GBP7: variants seen among roughly 807,000 people sequenced by gnomAD.
The protein encoded by GBP7 is guanylate-binding protein 7.
A neutral mutation model predicts 61.3 loss-of-function variants in GBP7; 43 were observed. The observed-to-expected ratio is 0.70, with a 90% CI of 0.55 to 0.91. The LOEUF is 0.91. GBP7 is among the 40% of genes least tolerant of loss of function. The pLI, the probability that GBP7 is intolerant of heterozygous loss-of-function variation, is 0.00. For missense variants in GBP7, 717 were observed against 740.5 expected, an observed-to-expected ratio of 0.97 and a Z score of 0.37; for synonymous variants, 267 against 271.0, an observed-to-expected ratio of 0.99 and a Z score of 0.14.
chr1:89,135,563 G>T (rs892847343), intron 9 of GBP7, among the ~76,000 whole-genome samples: 2 of 151,744 alleles, frequency 1.3e-5, no homozygotes, highest in Non-Finnish European at 2.9e-5. Context: ...GTAAAGAAAA[G>T]AAATTCCAAG....
chr1:89,148,998 A>T (rs1045243848), intron 7 of GBP7, among the ~76,000 whole-genome samples: 1 of 152,078 alleles, frequency 6.6e-6, no homozygotes, highest in African/African-American at 2.4e-5. Flanking sequence ...TCTAAATACT[A>T]TTCTCTAAGT....
intron 8 of GBP7, 121 bp from the exon 9 acceptor site, chr1:89,141,769 T>C (rs1681957663): frequency 1.4e-6 from 1 of 704,926 alleles, no homozygotes; most frequent in East Asian, 2.8e-5. Context: ...ATTCTTAAGA[T>C]TCCACAGTGG....
At chr1:89,171,590 C>G (rs1051164927) in intron 2 of GBP7, among the ~76,000 whole-genome samples, 156 bp downstream of exon 2, 2 of 150,954 alleles carry the variant, frequency 1.3e-5, no homozygotes, top group Non-Finnish European at 2.9e-5. Context: ...TGACTCCAAT[C>G]CTCCAGAGTG....
intron 8 of GBP7, among the ~76,000 whole-genome samples, chr1:89,145,867 A>G (rs1682050169): frequency 6.7e-6 from 1 of 150,096 alleles, no homozygotes; most frequent in East Asian, 2.0e-4. Flanking sequence ...GACTGGAAAA[A>G]TTAATATTGT....
At position 89,133,340 on chromosome 1, in the gene GBP7, A is replaced by G. The variant is rs200953813; in HGVS notation, c.1580T>C (p.Ile527Thr). Residue 527 changes from isoleucine (I) to threonine (T), a missense_variant, in exon 10 of 11, where the codon ATA becomes ACA. This residue lies in a region of GBP7 where 312 missense variants were observed against 310.1 expected (regional missense o/e 1.01). Transcript: ENST00000294671. ...CTCCATCTTCTTCTTGAGTTGAGCT[A>G]TGTTTTCCTGGAAACTTCTCTCTTG... is the stretch of plus-strand genomic sequence containing the variant. ...EAQERSFQEN[I>T]AQLKKKMERE... 2.5e-6 allele frequency: 4 copies of G among 1,613,862 alleles called. No individual in the cohort carries two copies. Among genetic ancestry groups the G allele is most frequent in the South Asian group, 2.2e-5 (2 of 91,066 alleles).
At chr1:89,156,862 A>G (rs1032103347) in intron 3 of GBP7, among the ~76,000 whole-genome samples, 1 of 152,170 alleles carries the variant, frequency 6.6e-6, no homozygotes, top group Non-Finnish European at 1.5e-5. Context: ...AGGACCTAAT[A>G]GACATCAGAG....
Position 89,149,488 on chromosome 1 carries a change from G to A in GBP7, c.956C>T (p.Ala319Val). 4 of 1,614,098 alleles carry A rather than the reference G, an allele frequency of 2.5e-6. No homozygotes were observed. The highest frequency in any genetic ancestry group is 3.4e-6 in the Non-Finnish European group (4 of 1,180,010). ...CACGGCTGCTGAGTTCTCACACTGG[G>A]CCAGAACTGCCATTGCATTCTCCAG... ...PCLENAMAVL[A>V]QCENSAAVQR... The change falls in exon 7 of 11, where the codon GCC becomes GTC. Residue 319 changes from alanine to valine, a missense_variant. By Grantham distance (64) the Ala-to-Val change is moderately conservative (BLOSUM62 0). Transcript: ENST00000294671.
At chr1:89,157,674 T>G (rs1469993458) in intron 3 of GBP7, among the ~76,000 whole-genome samples, 1 of 151,730 alleles carries the variant, frequency 6.6e-6, no homozygotes, top group Non-Finnish European at 1.5e-5. Context: ...AATCTCTTGA[T>G]AGACCAATAG....
intron 9 of GBP7, among the ~76,000 whole-genome samples, chr1:89,141,042 T>C (rs1479966531): frequency 6.6e-6 from 1 of 152,134 alleles, no homozygotes; most frequent in Non-Finnish European, 1.5e-5. Flanking sequence ...CAGGACCTAC[T>C]TGAGGGTGGA....
Position 89,157,866 on chromosome 1 carries a change from G to A in GBP7, c.319-5089C>T, listed in dbSNP as rs1469010054. On this transcript the variant is annotated intron_variant, in intron 3 of 10. Transcript: ENST00000294671. ...CTCCCTAACTCATTTCATGAGGCCA[G>A]CATCATCCTGATACCAAAGCCGGGC... 3.3e-5 allele frequency among the ~76,000 whole-genome samples: 5 copies of A among 152,148 alleles called. No homozygotes were observed. In the East Asian group the frequency reaches 9.6e-4, roughly 29 times the overall value.
At chr1:89,172,529 T>A (rs1647633222) in intron 1 of GBP7, among the ~76,000 whole-genome samples, 1 of 152,234 alleles carries the variant, frequency 6.6e-6, no homozygotes, top group African/African-American at 2.4e-5. Flanking sequence ...GTTATGCATT[T>A]TTTTTTGCAA....
intron 3 of GBP7, among the ~76,000 whole-genome samples, chr1:89,154,695 C>A (rs1223688170): frequency 6.7e-6 from 1 of 149,670 alleles, no homozygotes; most frequent in Non-Finnish European, 1.5e-5. Context: ...TTCAGGCTTA[C>A]CCCCAAACTA....
rs1682213368 is a variant in GBP7 at position 89,152,022 on chromosome 1, A to AT, written c.625+245dup. Reference sequence around the variant, plus strand: ...CCTCAATATATTTTTCATGGTACTTATTGGTCTAAAATCATTTGATAGAAC... The same window carrying AT: ...CCTCAATATATTTTTCATGGTACTTATTTGGTCTAAAATCATTTGATAGAAC... On this transcript the variant is annotated intron_variant, in intron 5 of 10. Transcript: ENST00000294671. 4.6e-5 allele frequency among the ~76,000 whole-genome samples: 7 copies of AT among 152,320 alleles called. 1 individual carries two copies. In the South Asian group the frequency reaches 1.4e-3, roughly 32 times the overall value.
chr1:89,146,018 A>G (rs891375736), intron 8 of GBP7, among the ~76,000 whole-genome samples: 2 of 152,234 alleles, frequency 1.3e-5, no homozygotes, highest in African/African-American at 2.4e-5. Context: ...AGCCAAAACA[A>G]GAAAAACAGA....
intron 1 of GBP7, among the ~76,000 whole-genome samples, chr1:89,172,231 A>G (rs192849953): frequency 2.0e-5 from 3 of 152,288 alleles, no homozygotes; most frequent in Admixed American, 2.0e-4. Context: ...TTACTTAACC[A>G]TAGAACAATT....
intron 3 of GBP7, among the ~76,000 whole-genome samples, chr1:89,154,450 A>G (rs1682268235): frequency 6.6e-6 from 1 of 151,996 alleles, no homozygotes; most frequent in Admixed American, 6.6e-5. Flanking sequence ...GGGTTCAAGC[A>G]ATTCTTCCAC....
At chr1:89,173,521 A>G (rs1301419287) in intron 1 of GBP7, among the ~76,000 whole-genome samples, 1 of 152,180 alleles carries the variant, frequency 6.6e-6, no homozygotes, top group Non-Finnish European at 1.5e-5. Context: ...AAAATTGATA[A>G]TAAGTCTGTG....
At chr1:89,156,502 G>A (rs990315443) in intron 3 of GBP7, among the ~76,000 whole-genome samples, 15 of 152,270 alleles carry the variant, frequency 9.9e-5, no homozygotes, top group Admixed American at 8.5e-4. Flanking sequence ...TAAAGGGATG[G>A]AGGAAGATCT....
At chr1:89,169,000 C>T (rs1362146865) in intron 2 of GBP7, among the ~76,000 whole-genome samples, 7 of 150,836 alleles carry the variant, frequency 4.6e-5, no homozygotes, top group Admixed American at 3.9e-4. Flanking sequence ...AACAAAAAAA[C>T]TCCTGTGGAA....
Sources: allele counts gnomAD v4.1 joint callset (sites outside exome capture counted in the v4.1 genomes callset), GRCh38; gene constraint gnomAD v4.1.1; regional missense constraint gnomAD v4.1.1; transcripts MANE v1.5; gene names NCBI Gene and HGNC (gene_info 2026-07-23, HGNC 2026-07-21).